AQP7B: variants seen among roughly 807,000 people sequenced by gnomAD.
AQP7B encodes the protein putative aquaporin-7B.
At chr2:94,601,704 G>A in the AQP7B span, among the ~76,000 whole-genome samples, 1 of 152,114 alleles carries the variant, frequency 6.6e-6, no homozygotes, top group African/African-American at 2.4e-5. Flanking sequence ...GGCAGGGGTG[G>A]GACAGTTTGC....
chr2:94,602,596 C>T, the AQP7B span: 37 of 1,595,038 alleles, frequency 2.3e-5, no homozygotes, highest in African/African-American at 4.0e-5. Context: ...TGGGAGTCCA[C>T]GTGGCAGGCC....
At chr2:94,599,082 G>T in the AQP7B span, among the ~76,000 whole-genome samples, 1 of 152,126 alleles carries the variant, frequency 6.6e-6, no homozygotes, top group African/African-American at 2.4e-5. Context: ...GATTACAGGC[G>T]TGAGCCAACA....
At chr2:94,592,870 C>G in the AQP7B span, among the ~76,000 whole-genome samples, 3 of 123,024 alleles carry the variant, frequency 2.4e-5, no homozygotes, top group Admixed American at 1.2e-4. Flanking sequence ...GTCACCCACG[C>G]TGGAGTGCAG....
At chr2:94,604,388 C>T in the AQP7B span, 69 of 1,611,318 alleles carry the variant, frequency 4.3e-5, no homozygotes, top group East Asian at 8.9e-5. Context: ...CACCATCCCA[C>T]GGGAGCCCCT....
chr2:94,603,223 G>GAA, the AQP7B span: 18 of 1,434,962 alleles, frequency 1.3e-5, no homozygotes, highest in Non-Finnish European at 5.8e-6. Flanking sequence ...CGCCTCCTAT[G>GAA]AAATATGGGC....
chr2:94,600,827 C>T, the AQP7B span, among the ~76,000 whole-genome samples: 3 of 149,440 alleles, frequency 2.0e-5, no homozygotes, highest in East Asian at 2.0e-4. Context: ...TGCGGTGAGC[C>T]GAGATTGCAC....
At chr2:94,603,670 G>C in the AQP7B span, 28 of 1,338,188 alleles carry the variant, frequency 2.1e-5, no homozygotes, top group East Asian at 6.9e-4. Context: ...CCTGTGGCTT[G>C]GGGAGGGGCC....
At chr2:94,590,944 C>CAAAAAAAAA in the AQP7B span, among the ~76,000 whole-genome samples, 12 of 49,088 alleles carry the variant, frequency 2.4e-4, no homozygotes, top group Non-Finnish European at 3.7e-4. Context: ...GACCCTGTCT[C>CAAAAAAAAA]AAAAAAAAAA....
chr2:94,604,162 G>A, the AQP7B span: 6 of 992,542 alleles, frequency 6.0e-6, no homozygotes, highest in East Asian at 1.5e-4. Context: ...CAGGGCCCTG[G>A]GTTGGGGGTG....
chr2:94,589,437 C>T, the AQP7B span, among the ~76,000 whole-genome samples: 2 of 152,074 alleles, frequency 1.3e-5, no homozygotes, highest in African/African-American at 4.8e-5. Flanking sequence ...TCCAAGGCCA[C>T]CTTCTCAACA....
At chr2:94,602,012 C>T in the AQP7B span, among the ~76,000 whole-genome samples, 2 of 131,950 alleles carry the variant, frequency 1.5e-5, no homozygotes, top group Admixed American at 7.3e-5. Context: ...GTGGGAATTG[C>T]GGCGGAGTGT....
At chr2:94,594,751 C>G in the AQP7B span, 1 of 1,576,206 alleles carries the variant, frequency 6.3e-7, no homozygotes, top group Non-Finnish European at 8.7e-7. Flanking sequence ...CAGGTCCACC[C>G]GTGGCTCCAA....
At chr2:94,601,640 A>G in the AQP7B span, among the ~76,000 whole-genome samples, 1 of 152,132 alleles carries the variant, frequency 6.6e-6, no homozygotes, top group Non-Finnish European at 1.5e-5. Flanking sequence ...CTCCTGCAGC[A>G]TGACTGAAAC....
the AQP7B span, chr2:94,602,530 T>C: frequency 6.2e-7 from 1 of 1,604,084 alleles, no homozygotes; most frequent in Non-Finnish European, 8.5e-7. Context: ...TGGTTCTAAA[T>C]AAAACATATG....
At chr2:94,603,514 G>A in the AQP7B span, 1 of 1,603,116 alleles carries the variant, frequency 6.2e-7, no homozygotes, top group Non-Finnish European at 8.5e-7. Context: ...CAGTGGTCCA[G>A]GATGAGTACC....
the AQP7B span, among the ~76,000 whole-genome samples, chr2:94,590,074 G>A: frequency 2.0e-5 from 3 of 152,156 alleles, no homozygotes; most frequent in African/African-American, 7.2e-5. Flanking sequence ...GCTTCTCTCT[G>A]GTGGTGTTGC....
chr2:94,602,589 G>A, the AQP7B span: 12 of 1,597,274 alleles, frequency 7.5e-6, no homozygotes, highest in Non-Finnish European at 1.0e-5. Flanking sequence ...GTCACCATGG[G>A]AGTCCACGTG....
At chr2:94,603,333 A>T in the AQP7B span, 3 of 1,551,514 alleles carry the variant, frequency 1.9e-6, no homozygotes. Context: ...CTGGGACCCC[A>T]GTGGGGCTTA....
chr2:94,588,155 G>T, the AQP7B span, among the ~76,000 whole-genome samples: 1 of 152,040 alleles, frequency 6.6e-6, no homozygotes, highest in Non-Finnish European at 1.5e-5. Flanking sequence ...GAGGGATTGA[G>T]GTTAAAGGTG....
Sources: allele counts gnomAD v4.1 joint callset (sites outside exome capture counted in the v4.1 genomes callset), GRCh38; gene constraint gnomAD v4.1.1; transcripts MANE v1.5; gene names NCBI Gene and HGNC (gene_info 2026-07-23, HGNC 2026-07-21).